LOX: variants seen among roughly 807,000 people sequenced by gnomAD.
LOX encodes the protein lysyl oxidase.
Under a neutral mutation model 50.5 loss-of-function variants are expected in LOX, and 12 were observed. The observed-to-expected ratio is 0.24, with a 90% confidence interval of 0.15 to 0.38. The LOEUF (loss-of-function observed/expected upper bound fraction) is 0.38, where lower values mean the gene tolerates loss of function less well. Among genes scored for constraint, LOX ranks in the 10% least tolerant of loss-of-function variants. LOX has a pLI of 1.00. For missense variants in LOX, 504 were observed against 563.8 expected, an observed-to-expected ratio of 0.89 and a Z score of 1.07; for synonymous variants, 254 against 230.6, an observed-to-expected ratio of 1.10 and a Z score of -0.92.
intron 6 of LOX, among the ~76,000 whole-genome samples, chr5:122,067,699 G>A (rs1012325896): frequency 6.6e-5 from 10 of 151,980 alleles, no homozygotes; most frequent in African/African-American, 2.2e-4. Flanking sequence ...TGTCCAACTC[G>A]TAACTCCACA....
At position 122,063,651 on chromosome 5, in the gene LOX, GA is replaced by G. The variant is rs1203577316; in HGVS notation, c.*3091del. On this transcript the variant is annotated 3_prime_UTR_variant, in exon 7 of 7. Coordinates refer to ENST00000231004, the MANE Select transcript of LOX (RefSeq NM_002317.7). ...GAGTTCAAAAAAATATGTATATATAGAAAAAAGAGTACTTTTTAGTTATCAG... is the reference window on the plus strand; with the variant it reads ...GAGTTCAAAAAAATATGTATATATAGAAAAAGAGTACTTTTTAGTTATCAG... The G allele has an allele frequency of 4.6e-5, 7 of 151,788 alleles. No individual in the cohort carries two copies. The highest frequency in any genetic ancestry group is 2.0e-4 in the Admixed American group (3 of 15,222). 9.4% of individuals were successfully genotyped at this position (151,788 alleles called of 1,614,324 possible). A position where few individuals can be genotyped will look rare whatever the true frequency, so the allele number is the denominator to read the frequency against.
rs555835575 is a variant in LOX at position 122,064,706 on chromosome 5, G to T, written c.*2037C>A. On this transcript the variant is annotated 3_prime_UTR_variant, in exon 7 of 7. Transcript: ENST00000231004. ...AATGGGATTTTTAATACTTATTGAG[G>T]TTATAGACAGTCTTTTTTATGTCTC... The T allele has an allele frequency of 6.6e-6, 1 of 151,816 alleles. No individual in the cohort carries two copies. The highest frequency in any genetic ancestry group is 1.5e-5 in the Non-Finnish European group (1 of 67,916). 9.4% of individuals were successfully genotyped at this position (151,816 alleles called of 1,614,324 possible).
rs1266311730 is a variant in LOX at position 122,066,448 on chromosome 5, C to G, written c.*295G>C. The stretch of plus-strand genomic sequence containing the variant: ...TTTTGCACTACAATTTCAAAAGGAA[C>G]ATGAGAAATTTGGATTTCTTTGAAA... On this transcript the variant is annotated 3_prime_UTR_variant, in exon 7 of 7. Coordinates refer to ENST00000231004, the MANE Select transcript of LOX (RefSeq NM_002317.7). 3 of 335,514 alleles carry G rather than the reference C, an allele frequency of 8.9e-6. No individual in the cohort carries two copies. The highest frequency in any genetic ancestry group is 8.7e-5 in the Admixed American group (2 of 23,104). 20.8% of individuals were successfully genotyped at this position (335,514 alleles called of 1,614,324 possible).
chr5:122,076,485 G>A (rs1363723681), intron 2 of LOX, among the ~76,000 whole-genome samples: 1 of 152,132 alleles, frequency 6.6e-6, no homozygotes, highest in African/African-American at 2.4e-5. Flanking sequence ...TACCAATGAG[G>A]CTACGATGGC....
Position 122,077,345 on chromosome 5 carries a change from G to C in LOX, c.631+10C>G, listed in dbSNP as rs199948468. ...GCACGGGTGCTTCCAGCGGACTTGG[G>C]GGTACTTACCGTACTGGAAGTAGCC... On this transcript the variant is annotated intron_variant, in intron 1 of 6. Coordinates refer to ENST00000231004, the MANE Select transcript of LOX (RefSeq NM_002317.7). The surrounding 1 kb of genome is among the most constrained non-coding windows in gnomAD (Gnocchi z 4.9). 6.2e-7 allele frequency: 1 copy of C among 1,613,520 alleles called. No individual in the cohort carries two copies. Among genetic ancestry groups the C allele is most frequent in the African/African-American group, 1.3e-5 (1 of 74,938 alleles).
chr5:122,078,251 G>A lies in LOX; in HGVS notation c.-266C>T, dbSNP rs1754700354. 2 of 397,036 alleles carry A rather than the reference G, an allele frequency of 5.0e-6. No individual in the cohort carries two copies. The highest frequency in any genetic ancestry group is 8.8e-6 in the Non-Finnish European group (2 of 227,794). 24.6% of individuals were successfully genotyped at this position (397,036 alleles called of 1,614,324 possible). A position where few individuals can be genotyped will look rare whatever the true frequency, so the allele number is the denominator to read the frequency against. On this transcript the variant is annotated 5_prime_UTR_variant, in exon 1 of 7. Coordinates refer to ENST00000231004, the MANE Select transcript of LOX (RefSeq NM_002317.7). ...GCGGCGCGGCAGTCCCGGAGAGCGGGCAGTGTCTGGAGTGAAGGAAGGAGG... is the reference window on the plus strand; with the variant it reads ...GCGGCGCGGCAGTCCCGGAGAGCGGACAGTGTCTGGAGTGAAGGAAGGAGG...
chr5:122,073,376 A>G (rs1390326553), intron 4 of LOX, among the ~76,000 whole-genome samples: 7 of 152,206 alleles, frequency 4.6e-5, no homozygotes, highest in African/African-American at 1.2e-4. Context: ...ATTTAAATAT[A>G]TATGTGTGGA....
chr5:122,066,034 A>G lies in LOX; in HGVS notation c.*709T>C, dbSNP rs1754290962. ...AGGGCAGCCTCAAGAAATATCAGAC[A>G]GGATTGGGCAGCTCCCTTACTTAAT... On this transcript the variant is annotated 3_prime_UTR_variant, in exon 7 of 7. Coordinates refer to ENST00000231004, the MANE Select transcript of LOX (RefSeq NM_002317.7). 1 of 152,120 alleles carries G rather than the reference A, an allele frequency of 6.6e-6. No homozygotes were observed. The highest frequency in any genetic ancestry group is 1.5e-5 in the Non-Finnish European group (1 of 68,002). 9.4% of individuals were successfully genotyped at this position (152,120 alleles called of 1,614,324 possible).
chr5:122,073,944 G>C, intron 4 of LOX, 69 bp downstream of exon 4: 3 of 1,405,292 alleles, frequency 2.1e-6, no homozygotes, highest in Non-Finnish European at 3.0e-6. Flanking sequence ...GCTATTTAAT[G>C]CTAACTAACG....
At chr5:122,069,922 AT>A in intron 6 of LOX, 130 bp downstream of exon 6, 1 of 763,026 alleles carries the variant, frequency 1.3e-6, no homozygotes, top group Admixed American at 1.8e-5. Flanking sequence ...ACTGCATACC[AT>A]TTTCTGCCTT....
At chr5:122,068,486 G>C (rs1170758709) in intron 6 of LOX, among the ~76,000 whole-genome samples, 1 of 152,058 alleles carries the variant, frequency 6.6e-6, no homozygotes, top group Non-Finnish European at 1.5e-5. Context: ...CTCTATTACA[G>C]TTATATGTGT....
rs542276533 is a variant in LOX, at chr5:122,077,227, G to A, written c.631+128C>T. ...TGCACTGGATTCCAGGGCTGCCACTGCAGGCGCGTGGGGGAGGGATCGGAT... is the reference window on the plus strand; with the variant it reads ...TGCACTGGATTCCAGGGCTGCCACTACAGGCGCGTGGGGGAGGGATCGGAT... On this transcript the variant is annotated intron_variant, in intron 1 of 6. Coordinates refer to ENST00000231004, the MANE Select transcript of LOX (RefSeq NM_002317.7). The surrounding 1 kb of genome is among the most constrained non-coding windows in gnomAD (Gnocchi z 4.9). 201 of 1,501,394 alleles carry A rather than the reference G, an allele frequency of 1.3e-4. No homozygotes were observed. The African/African-American group carries it at 2.4e-3, about 18-fold the overall frequency. 93.0% of individuals were successfully genotyped at this position (1,501,394 alleles called of 1,614,324 possible).
chr5:122,077,734 G>A lies in LOX; in HGVS notation c.252C>T (p.Ala84=), dbSNP rs770237850. 65 of 1,574,680 alleles carry A rather than the reference G, an allele frequency of 4.1e-5. No homozygotes were observed. Among genetic ancestry groups the A allele is most frequent in the Non-Finnish European group, 5.3e-5 (62 of 1,164,738 alleles). The change falls in exon 1 of 7, where the codon GCC becomes GCT. Residue 84 remains alanine (A), a synonymous_variant. Coordinates refer to ENST00000231004, the MANE Select transcript of LOX (RefSeq NM_002317.7). The surrounding 1 kb of genome is among the most constrained non-coding windows in gnomAD (Gnocchi z 4.9). ...AAVPGAANAS[A]QQPRTPILLI... is the part of the protein sequence containing the mutation. Reference sequence around the variant, plus strand: ...GCAGGATCGGAGTGCGGGGCTGCTGGGCGGAGGCGTTGGCTGCACCAGGGA... The same window carrying A: ...GCAGGATCGGAGTGCGGGGCTGCTGAGCGGAGGCGTTGGCTGCACCAGGGA...
In LOX at chr5:122,064,429, T is replaced by C. The variant is rs1682401288; in HGVS notation, c.*2314A>G. ...GTTCATATAAGGAATAAAGTAGTAT[T>C]TTTAGCTTCCTAATTGAAAAAAAAA... On this transcript the variant is annotated 3_prime_UTR_variant, in exon 7 of 7. Coordinates refer to ENST00000231004, the MANE Select transcript of LOX (RefSeq NM_002317.7). The C allele has an allele frequency of 6.6e-6, 1 of 151,690 alleles. No individual in the cohort carries two copies. Among genetic ancestry groups the C allele is most frequent in the Admixed American group, 6.6e-5 (1 of 15,196 alleles). The allele number at this position is 151,690 out of a possible 1,614,324, so 9.4% of individuals were successfully genotyped here. A position where few individuals can be genotyped will look rare whatever the true frequency, so the allele number is the denominator to read the frequency against.
chr5:122,067,695 A>G (rs542567984), intron 6 of LOX, among the ~76,000 whole-genome samples: 51 of 152,140 alleles, frequency 3.4e-4, no homozygotes, highest in African/African-American at 1.2e-3. Flanking sequence ...TTTTTGTCCA[A>G]CTCGTAACTC....
chr5:122,075,595 CA>C (rs1196048124), intron 2 of LOX, 54 bp from the exon 3 acceptor site: 5 of 1,207,074 alleles, frequency 4.1e-6, no homozygotes, highest in Non-Finnish European at 5.8e-6. Context: ...TAACTAAAGA[CA>C]AAACTACAAA....
rs1561417568 is a variant in LOX, at chr5:122,070,581, A to T, written c.1044T>A (p.Ser348Arg). 1.3e-6 allele frequency: 2 copies of T among 1,578,468 alleles called. No homozygotes were observed. Among genetic ancestry groups the T allele is most frequent in the Non-Finnish European group, 1.7e-6 (2 of 1,150,610 alleles). Residue 348 changes from serine (S) to arginine (R), a missense_variant, in exon 5 of 7, where the codon AGT (serine) becomes AGA (arginine). Around this residue, in one of 2 missense-constraint regions of LOX, gnomAD observed 106 missense variants for 198.1 expected, o/e 0.54. Coordinates refer to ENST00000231004, the MANE Select transcript of LOX (RefSeq NM_002317.7). ...CACCATAGGTATCATAACAGCCAGG[A>T]CTCAATCCCTAAGATAAACAAAATA... ...FACTAHTQGL[S>R]PGCYDTYGAD...
At chr5:122,075,840 A>G (rs1187045001) in intron 2 of LOX, among the ~76,000 whole-genome samples, 1 of 152,222 alleles carries the variant, frequency 6.6e-6, no homozygotes, top group Non-Finnish European at 1.5e-5. Context: ...TCTAAATGTC[A>G]GAAGTAAACT....
chr5:122,076,813 C>A (rs569957338), intron 2 of LOX, 80 bp downstream of exon 2: 1 of 1,228,992 alleles, frequency 8.1e-7, no homozygotes, highest in Non-Finnish European at 1.2e-6. Context: ...CTGCGCGAAG[C>A]AGTAGCAGTC....
Sources: allele counts gnomAD v4.1 joint callset (sites outside exome capture counted in the v4.1 genomes callset), GRCh38; gene constraint gnomAD v4.1.1; regional missense constraint gnomAD v4.1.1; non-coding constraint Gnocchi (gnomAD v3.1); transcripts MANE v1.5; gene names NCBI Gene and HGNC (gene_info 2026-07-23, HGNC 2026-07-21).